Variants in NELL1 observed in about 807,000 individuals in gnomAD.
NELL1 encodes protein kinase C-binding protein NELL1.
In NELL1, 76 loss-of-function variants were observed where a neutral mutation model predicts 107.4. The ratio of observed to expected loss-of-function variants is 0.71; its 90% CI spans 0.59 to 0.86. The LOEUF (loss-of-function observed/expected upper bound fraction) is 0.86, where lower values mean the gene tolerates loss of function less well. Among genes scored for constraint, NELL1 ranks in the 40% least tolerant of loss-of-function variants. The probability of loss-of-function intolerance (pLI) is 0.00; values close to 1 mark genes in which losing one functional copy is unlikely to be tolerated. For synonymous variants in NELL1, 353 were observed against 341.2 expected (o/e 1.03, Z -0.38); for missense variants, 1,024 against 1,005.5 (o/e 1.02, Z -0.25).
At chr11:21,463,430 A>C (rs558304873) in intron 15 of NELL1, among the ~76,000 whole-genome samples, 1 of 152,224 alleles carries the variant, frequency 6.6e-6, no homozygotes, top group South Asian at 2.1e-4. Flanking sequence ...GGGACCACTC[A>C]ATCTGTGTTT....
At chr11:20,916,702 T>C (rs1850265632) in intron 5 of NELL1, among the ~76,000 whole-genome samples, 1 of 151,920 alleles carries the variant, frequency 6.6e-6, no homozygotes. Context: ...AGGAAATCCA[T>C]AAGATGGAAA....
chr11:20,759,334 G>A (rs1856367570), intron 2 of NELL1, among the ~76,000 whole-genome samples: 1 of 152,166 alleles, frequency 6.6e-6, no homozygotes, highest in African/African-American at 2.4e-5. Flanking sequence ...GACATTGAAA[G>A]GATCCATGGT....
chr11:21,027,791 C>T (rs1212922871), intron 12 of NELL1, among the ~76,000 whole-genome samples: 1 of 152,042 alleles, frequency 6.6e-6, no homozygotes, highest in African/African-American at 2.4e-5. Flanking sequence ...GTTTAGTTTC[C>T]CTGAAACCTT....
intron 2 of NELL1, among the ~76,000 whole-genome samples, chr11:20,748,199 A>G (rs943926803): frequency 2.0e-5 from 3 of 152,096 alleles, no homozygotes; most frequent in Non-Finnish European, 4.4e-5. Flanking sequence ...ACCACCTAAG[A>G]ATCATTAGGT....
Position 21,105,421 on chromosome 11 carries a change from G to A in NELL1, c.1301-8168G>A, listed in dbSNP as rs116319987. Among the ~76,000 whole-genome samples, 751 of 152,160 alleles carry A rather than the reference G, an allele frequency of 4.9e-3. 10 individuals are homozygous for A. The highest frequency in any genetic ancestry group is 0.017 in the African/African-American group (723 of 41,524). On this transcript the variant is annotated intron_variant, in intron 12 of 19. Coordinates refer to ENST00000357134, the MANE Select transcript of NELL1 (RefSeq NM_006157.5). Reference sequence around the variant, plus strand: ...GTTTACGTCACACTCAAGGAAGCTGGCCACCCCACCTTAATCTTTTATTAT... The same window carrying A: ...GTTTACGTCACACTCAAGGAAGCTGACCACCCCACCTTAATCTTTTATTAT...
chr11:20,939,334 A>G (rs2134187716), intron 10 of NELL1, among the ~76,000 whole-genome samples: 1 of 151,622 alleles, frequency 6.6e-6, no homozygotes, highest in East Asian at 2.0e-4. Flanking sequence ...ATATTGGGGG[A>G]CTCACAGAAT....
At chr11:20,707,586 A>T (rs1167617647) in intron 2 of NELL1, among the ~76,000 whole-genome samples, 2 of 152,126 alleles carry the variant, frequency 1.3e-5, no homozygotes, top group Non-Finnish European at 2.9e-5. Context: ...TTTCCTTCTA[A>T]CAGTCAGGAC....
intron 15 of NELL1, among the ~76,000 whole-genome samples, chr11:21,508,436 A>G (rs1855351134): frequency 2.6e-5 from 4 of 152,164 alleles, no homozygotes; most frequent in Admixed American, 2.6e-4. Flanking sequence ...GGTCAGTGAA[A>G]CAATGAGGAA....
At chr11:21,446,989 C>T (rs1236947556) in intron 15 of NELL1, among the ~76,000 whole-genome samples, 2 of 152,200 alleles carry the variant, frequency 1.3e-5, no homozygotes, top group East Asian at 1.9e-4. Flanking sequence ...AACCACAAGA[C>T]AGAGTTTTTC....
intron 2 of NELL1, among the ~76,000 whole-genome samples, chr11:20,725,669 T>A (rs896369806): frequency 6.6e-6 from 1 of 152,236 alleles, no homozygotes; most frequent in Non-Finnish European, 1.5e-5. Flanking sequence ...GCTTGTTAAT[T>A]GCAGAATAAA....
chr11:20,998,496 T>C (rs1396253268), intron 12 of NELL1, among the ~76,000 whole-genome samples: 1 of 152,218 alleles, frequency 6.6e-6, no homozygotes, highest in Admixed American at 6.5e-5. Context: ...TGGTGACAAT[T>C]TTCATTAAAC....
At chr11:21,099,783 T>C (rs1328521424) in intron 12 of NELL1, among the ~76,000 whole-genome samples, 1 of 152,172 alleles carries the variant, frequency 6.6e-6, no homozygotes, top group African/African-American at 2.4e-5. Context: ...TTTTTTTCTT[T>C]CCAGCTATGT....
chr11:20,901,821 C>T (rs1442276383), intron 5 of NELL1, among the ~76,000 whole-genome samples: 1 of 152,062 alleles, frequency 6.6e-6, no homozygotes, highest in Non-Finnish European at 1.5e-5. Flanking sequence ...AAACTTGACA[C>T]ATAACTGATG....
intron 15 of NELL1, among the ~76,000 whole-genome samples, chr11:21,521,444 T>C (rs1855721796): frequency 6.6e-6 from 1 of 152,172 alleles, no homozygotes; most frequent in Non-Finnish European, 1.5e-5. Flanking sequence ...CACACGCACT[T>C]GTAAAAACTG....
intron 9 of NELL1, among the ~76,000 whole-genome samples, chr11:20,931,794 AT>A (rs574868501): frequency 1.3e-5 from 2 of 150,890 alleles, no homozygotes; most frequent in African/African-American, 4.9e-5. Context: ...ATTTTTTTTC[AT>A]TTTTTTTGTG....
At position 21,229,342 on chromosome 11, in the gene NELL1, A is replaced by G. The variant is rs907343118; in HGVS notation, c.1437A>G (p.Glu479=). The G allele has an allele frequency of 5.0e-6, 8 of 1,613,798 alleles. No individual in the cohort carries two copies. In the African/African-American group the frequency reaches 8.0e-5, roughly 16 times the overall value. The change falls in exon 14 of 20, where the codon GAA becomes GAG. Residue 479 remains glutamate, a synonymous_variant. Coordinates refer to ENST00000357134, the MANE Select transcript of NELL1 (RefSeq NM_006157.5). ...TCACCCTGGAAACAGAACACGATGA[A>G]TGTGGCAGCGGCCAGCACAACTGTG... is the stretch of plus-strand genomic sequence containing the variant. ...VDDFSCTEHD[E]CGSGQHNCDE... is the part of the protein sequence containing the mutation.
chr11:21,344,254 C>T (rs768483199), intron 14 of NELL1, among the ~76,000 whole-genome samples: 68 of 152,282 alleles, frequency 4.5e-4, no homozygotes, highest in Non-Finnish European at 5.9e-4. Flanking sequence ...TCAATCAATA[C>T]TCAATTGCAG....
intron 3 of NELL1, among the ~76,000 whole-genome samples, chr11:20,791,025 T>G (rs1180177481): frequency 6.6e-6 from 1 of 152,236 alleles, no homozygotes; most frequent in Non-Finnish European, 1.5e-5. Flanking sequence ...TCCAAGTTTG[T>G]TCTTCTTTTC....
chr11:21,431,320 T>A (rs1029648287), intron 15 of NELL1, among the ~76,000 whole-genome samples: 1 of 152,200 alleles, frequency 6.6e-6, no homozygotes, highest in Admixed American at 6.5e-5. Context: ...ATCCTTTTCC[T>A]TTCCAAAGTT....
Sources: gnomAD v4.1 joint callset for allele counts (sites outside exome capture counted in the v4.1 genomes callset) on GRCh38, gnomAD v4.1.1 for gene constraint, MANE v1.5 for transcripts, NCBI Gene and HGNC (gene_info 2026-07-23, HGNC 2026-07-21) for gene names.